ATP2A3: variants seen among roughly 807,000 people sequenced by gnomAD.
ATP2A3 encodes sarcoplasmic/endoplasmic reticulum calcium ATPase 3.
ATP2A3 carries 61 observed loss-of-function variants against 106.8 expected under a neutral mutation model. The observed-to-expected ratio is 0.57, with a 90% confidence interval of 0.46 to 0.71. The LOEUF (loss-of-function observed/expected upper bound fraction) is 0.71. ATP2A3 is among the 30% of genes least tolerant of loss of function. The pLI is 0.00. For synonymous variants in ATP2A3, 611 were observed against 609.3 expected (o/e 1.00, Z -0.04); for missense variants, 1,201 against 1,423.5 (o/e 0.84, Z 2.52).
chr17:3,932,077 T>A (rs1332067580), intron 17 of ATP2A3, among the ~76,000 whole-genome samples: 1 of 152,234 alleles, frequency 6.6e-6, no homozygotes, highest in Non-Finnish European at 1.5e-5. Context: ...AGTGGACGTT[T>A]TCTCCAAAAC....
In ATP2A3 at chr17:3,928,539, G is replaced by A. The variant is rs1019284775; in HGVS notation, c.2980+124C>T. The A allele has an allele frequency of 2.4e-5, 25 of 1,033,388 alleles. No homozygotes were observed. Among genetic ancestry groups the A allele is most frequent in the Admixed American group, 4.0e-5 (2 of 49,832 alleles). The allele number at this position is 1,033,388 out of a possible 1,614,324, so 64.0% of individuals were successfully genotyped here. ...CTTCACACCCTCCACTTGGTGATCC[G>A]AGAACGCCTCCCCGATGTGCAGACA... On this transcript the variant is annotated intron_variant, in intron 20 of 20. Transcript: ENST00000397041. This position sits in a 1 kb window ranked among gnomAD's most constrained non-coding sequence, Gnocchi z 6.1.
At chr17:3,963,791 C>T (rs958738303) in intron 1 of ATP2A3, among the ~76,000 whole-genome samples, 1 of 152,216 alleles carries the variant, frequency 6.6e-6, no homozygotes, top group Admixed American at 6.5e-5. Context: ...GGCCGTCCCT[C>T]GCCCGCCGGT....
Position 3,951,345 on chromosome 17 carries a change from C to T in ATP2A3, c.369G>A (p.Glu123=). The change falls in exon 5 of 21, where the codon GAG becomes GAA. Residue 123 remains glutamate, a synonymous_variant. Coordinates refer to ENST00000397041, the MANE Select transcript of ATP2A3 (RefSeq NM_005173.4). ...ESAIEALKEY[E]PEMGKVIRSD... ...AGCGGATCACCTTGCCCATCTCAGG[C>T]TCATACTCCTTCAGGGCCTCGATGG... 6.2e-7 allele frequency: 1 copy of T among 1,613,736 alleles called. No individual in the cohort carries two copies. The highest frequency in any genetic ancestry group is 8.5e-7 in the Non-Finnish European group (1 of 1,179,914).
At position 3,947,990 on chromosome 17, in the gene ATP2A3, A is replaced by G. The variant is rs2054214118; in HGVS notation, c.631-135T>C. 2 of 833,008 alleles carry G rather than the reference A, an allele frequency of 2.4e-6. No homozygotes were observed. Among genetic ancestry groups the G allele is most frequent in the Admixed American group, 4.6e-5 (2 of 43,596 alleles). The allele number at this position is 833,008 out of a possible 1,614,324, so 51.6% of individuals were successfully genotyped here. ...TTTTCTCCATGTTGCTAGTGCTTCC[A>G]GACTCCTGTAGCTATGTATGCACGG... On this transcript the variant is annotated intron_variant, in intron 7 of 20. Transcript: ENST00000397041. The surrounding 1 kb of genome is among the most constrained non-coding windows in gnomAD (Gnocchi z 7.7).
At chr17:3,951,552 C>CCT in intron 4 of ATP2A3, 29 bp downstream of exon 4, 1 of 1,365,898 alleles carries the variant, frequency 7.3e-7, no homozygotes, top group Non-Finnish European at 1.0e-6. Flanking sequence ...GACCGCCCCC[C>CCT]GCCCGGTCCC....
Position 3,936,418 on chromosome 17 carries a change from C to G in ATP2A3, c.2373G>C (p.Gln791His), listed in dbSNP as rs1181814901. 6.2e-7 allele frequency: 1 copy of G among 1,614,022 alleles called. No individual in the cohort carries two copies. The highest frequency in any genetic ancestry group is 8.5e-7 in the Non-Finnish European group (1 of 1,180,024). ...CTGTCACCAGGTTCACCCAGAGCAG[C>G]TGCACAGGGATCAGGGCTTCGGGCA... ...LGLPEALIPV[Q>H]LLWVNLVTDG... Residue 791 changes from glutamine to histidine, a missense_variant, in exon 16 of 21, where the codon CAG becomes CAC. By Grantham distance (24) the Gln-to-His change is conservative. Transcript: ENST00000397041. The surrounding 1 kb of genome is among the most constrained non-coding windows in gnomAD (Gnocchi z 5.4).
At chr17:3,950,986 G>A (rs540905594) in intron 5 of ATP2A3, among the ~76,000 whole-genome samples, 1 of 152,160 alleles carries the variant, frequency 6.6e-6, no homozygotes, top group Non-Finnish European at 1.5e-5. Flanking sequence ...CACCCCCTCT[G>A]TATATACGGC....
Position 3,929,562 on chromosome 17 carries a change from G to A in ATP2A3, c.2745-117C>T, listed in dbSNP as rs982726007. 9.7e-6 allele frequency: 8 copies of A among 823,324 alleles called. No individual in the cohort carries two copies. Among genetic ancestry groups the A allele is most frequent in the Admixed American group, 2.3e-5 (1 of 44,004 alleles). The allele number at this position is 823,324 out of a possible 1,614,324, so 51.0% of individuals were successfully genotyped here. The stretch of plus-strand genomic sequence containing the variant: ...AGCGGTGCATTGCTGTTGCCCGCTC[G>A]GCCTGCCAGGGCCTGTCCCGGGCTG... On this transcript the variant is annotated intron_variant, in intron 18 of 20. Coordinates refer to ENST00000397041, the MANE Select transcript of ATP2A3 (RefSeq NM_005173.4). The surrounding 1 kb of genome is among the most constrained non-coding windows in gnomAD (Gnocchi z 4.3).
At chr17:3,937,238 G>C (rs2053500414) in intron 15 of ATP2A3, among the ~76,000 whole-genome samples, 178 bp downstream of exon 15, 1 of 152,104 alleles carries the variant, frequency 6.6e-6, no homozygotes, top group Non-Finnish European at 1.5e-5. Flanking sequence ...AGGGCCTCTG[G>C]AGAATGACAA....
rs549543039 is a variant in ATP2A3 at position 3,924,167 on chromosome 17, G to C, written c.*1255C>G. ...GGACTAGGAAAGGGATGTGAGTCTTGATTTACATATAAAATCATCAGTCTG... is the reference window on the plus strand; with the variant it reads ...GGACTAGGAAAGGGATGTGAGTCTTCATTTACATATAAAATCATCAGTCTG... On this transcript the variant is annotated 3_prime_UTR_variant, in exon 21 of 21. Coordinates refer to ENST00000397041, the MANE Select transcript of ATP2A3 (RefSeq NM_005173.4). The surrounding 1 kb of genome is among the most constrained non-coding windows in gnomAD (Gnocchi z 6.4). The C allele has an allele frequency of 6.6e-6, 1 of 152,530 alleles. No individual in the cohort carries two copies. Among genetic ancestry groups the C allele is most frequent in the East Asian group, 1.9e-4 (1 of 5,178 alleles). The allele number at this position is 152,530 out of a possible 1,614,324, so 9.4% of individuals were successfully genotyped here.
At chr17:3,946,166 T>C (rs2054102590) in intron 8 of ATP2A3, among the ~76,000 whole-genome samples, 1 of 149,562 alleles carries the variant, frequency 6.7e-6, no homozygotes. Flanking sequence ...GAGAATCGCC[T>C]GAACCCAGAA....
rs2052911896 is a variant in ATP2A3 at position 3,929,374 on chromosome 17, A to AT, written c.2815dup (p.Met939AsnfsTer44). 1 of 1,573,548 alleles carries AT rather than the reference A, an allele frequency of 6.4e-7. No individual in the cohort carries two copies. Reference sequence around the variant, plus strand: ...GATGAGGAAGTGCAGGGCCATGGACATGGCCACAGCCACCAGCAGCCAGGG... The same window carrying AT: ...GATGAGGAAGTGCAGGGCCATGGACATTGGCCACAGCCACCAGCAGCCAGGG... On this transcript the variant is annotated frameshift_variant, in exon 19 of 21. Coordinates refer to ENST00000397041, the MANE Select transcript of ATP2A3 (RefSeq NM_005173.4). LOFTEE classifies it high-confidence loss of function. The surrounding 1 kb of genome is among the most constrained non-coding windows in gnomAD (Gnocchi z 4.3).
intron 1 of ATP2A3, among the ~76,000 whole-genome samples, chr17:3,962,700 G>A (rs1024370857): frequency 7.3e-6 from 1 of 136,590 alleles, no homozygotes; most frequent in Non-Finnish European, 1.6e-5. Flanking sequence ...GACCAATGAA[G>A]ACATGATATC....
chr17:3,945,051 C>T lies in ATP2A3; in HGVS notation c.1184+9G>A. ...CGCCCGCCCGCGCGTCCCCTGGCCCCGCACTCACACTTCGCCCTCGGGGGT... is the reference window on the plus strand; with the variant it reads ...CGCCCGCCCGCGCGTCCCCTGGCCCTGCACTCACACTTCGCCCTCGGGGGT... On this transcript the variant is annotated intron_variant, in intron 9 of 20. Transcript: ENST00000397041. 7.2e-6 allele frequency: 11 copies of T among 1,536,580 alleles called. No individual in the cohort carries two copies. Among genetic ancestry groups the T allele is most frequent in the Non-Finnish European group, 9.6e-6 (11 of 1,140,154 alleles).
chr17:3,947,750 G>A lies in ATP2A3; in HGVS notation c.736C>T (p.Arg246Trp), dbSNP rs1230576380. The change falls in exon 8 of 21, where the codon CGG (arginine) becomes TGG (tryptophan). Residue 246 changes from arginine to tryptophan, a missense_variant. Arg to Trp is a moderately radical substitution (Grantham distance 101). Transcript: ENST00000397041. The surrounding 1 kb of genome is among the most constrained non-coding windows in gnomAD (Gnocchi z 7.7). Reference sequence around the variant, plus strand: ...TCCAGCTTGCGCTGCAGCGGCGTCCGCTCGGGCTCGACTGCCGCCATCTGG... The same window carrying A: ...TCCAGCTTGCGCTGCAGCGGCGTCCACTCGGGCTCGACTGCCGCCATCTGG... ...RSQMAAVEPE[R>W]TPLQRKLDEF... 6.8e-6 allele frequency: 11 copies of A among 1,606,436 alleles called. No homozygotes were observed. Among genetic ancestry groups the A allele is most frequent in the Non-Finnish European group, 9.3e-6 (11 of 1,179,804 alleles).
rs1397412496 is a variant in ATP2A3 at position 3,964,243 on chromosome 17, A to G, written c.49T>C (p.Ser17Pro). ...CTCAGGCCGCCCTCGGCTGTCACCGAGAAGTGGCGCAGCACGTCGGCGGCC... is the reference window on the plus strand; with the variant it reads ...CTCAGGCCGCCCTCGGCTGTCACCGGGAAGTGGCGCAGCACGTCGGCGGCC... ...LPAADVLRHF[S>P]VTAEGGLSPA... The change falls in exon 1 of 21, where the codon TCG becomes CCG. Residue 17 changes from serine to proline, a missense_variant. Physicochemically the swap from Ser to Pro is moderately conservative, Grantham distance 74. Transcript: ENST00000397041. 1 of 1,284,112 alleles carries G rather than the reference A, an allele frequency of 7.8e-7. No homozygotes were observed. The highest frequency in any genetic ancestry group is 1.6e-5 in the African/African-American group (1 of 62,668). 79.5% of individuals were successfully genotyped at this position (1,284,112 alleles called of 1,614,324 possible).
chr17:3,924,621 C>A lies in ATP2A3; in HGVS notation c.*801G>T, dbSNP rs945205388. ...TTGGACCTCTGCGTGGCAGACCGGG[C>A]GGCAGTGTGACTCTGAACATCTCCC... is the stretch of plus-strand genomic sequence containing the variant. On this transcript the variant is annotated 3_prime_UTR_variant, in exon 21 of 21. Transcript: ENST00000397041. The surrounding 1 kb of genome is among the most constrained non-coding windows in gnomAD (Gnocchi z 6.4). 2 of 373,704 alleles carry A rather than the reference C, an allele frequency of 5.4e-6. No individual in the cohort carries two copies. The highest frequency in any genetic ancestry group is 1.1e-5 in the Non-Finnish European group (2 of 185,972). 23.1% of individuals were successfully genotyped at this position (373,704 alleles called of 1,614,324 possible).
rs1241197929 is a variant in ATP2A3 at position 3,924,003 on chromosome 17, T to TC, written c.*1418dup. Reference sequence around the variant, plus strand: ...CAGAGAATCTCTGCAGGCACCAGACTCCCTGCCTCCCCCACTGCGTTTCTC... The same window carrying TC: ...CAGAGAATCTCTGCAGGCACCAGACTCCCCTGCCTCCCCCACTGCGTTTCTC... On this transcript the variant is annotated 3_prime_UTR_variant, in exon 21 of 21. Coordinates refer to ENST00000397041, the MANE Select transcript of ATP2A3 (RefSeq NM_005173.4). This position sits in a 1 kb window ranked among gnomAD's most constrained non-coding sequence, Gnocchi z 6.4. The TC allele has an allele frequency of 6.6e-6, 1 of 152,196 alleles. No individual in the cohort carries two copies. The highest frequency in any genetic ancestry group is 6.5e-5 in the Admixed American group (1 of 15,272). 9.4% of individuals were successfully genotyped at this position (152,196 alleles called of 1,614,324 possible). A position where few individuals can be genotyped will look rare whatever the true frequency, so the allele number is the denominator to read the frequency against.
chr17:3,951,158 G>A, intron 5 of ATP2A3, 93 bp downstream of exon 5: 3 of 1,101,746 alleles, frequency 2.7e-6, no homozygotes, highest in Non-Finnish European at 3.4e-6. Context: ...GGGCAACAGA[G>A]CACGACTCCA....
Sources: allele counts gnomAD v4.1 joint callset (sites outside exome capture counted in the v4.1 genomes callset), GRCh38; gene constraint gnomAD v4.1.1; non-coding constraint Gnocchi (gnomAD v3.1); transcripts MANE v1.5; gene names NCBI Gene and HGNC (gene_info 2026-07-23, HGNC 2026-07-21).